ODR4: variants seen among roughly 807,000 people sequenced by gnomAD.
The protein encoded by ODR4 is protein odr-4 homolog.
A neutral mutation model predicts 60.2 loss-of-function variants in ODR4; 47 were observed. The ratio of observed to expected loss-of-function variants is 0.78; its 90% CI spans 0.62 to 1.00. The LOEUF is 1.00. Among genes scored for constraint, ODR4 ranks in the 50% least tolerant of loss-of-function variants. The pLI, the probability that ODR4 is intolerant of heterozygous loss-of-function variation, is 0.00. For missense variants in ODR4, 488 were observed against 530.8 expected, an observed-to-expected ratio of 0.92 and a Z score of 0.79; for synonymous variants, 178 against 175.5, an observed-to-expected ratio of 1.01 and a Z score of -0.11.
At chr1:186,377,086 T>G (rs528677271) in intron 1 of ODR4, among the ~76,000 whole-genome samples, 4 of 152,344 alleles carry the variant, frequency 2.6e-5, no homozygotes, top group Admixed American at 2.6e-4. Context: ...TCCAGTTCCT[T>G]ATATTAAATG....
At chr1:186,393,908 G>C (rs779203227) in intron 8 of ODR4, 39 bp from the exon 9 acceptor site, 7 of 1,074,996 alleles carry the variant, frequency 6.5e-6, no homozygotes, top group South Asian at 2.8e-5. Context: ...TGTTTTACAG[G>C]CTTCACAGTT....
At chr1:186,382,052 A>C (rs929676561) in intron 2 of ODR4, among the ~76,000 whole-genome samples, 5 of 152,126 alleles carry the variant, frequency 3.3e-5, no homozygotes, top group African/African-American at 9.6e-5. Flanking sequence ...GAGCTATTGA[A>C]TGTTCCCCTA....
chr1:186,418,996 G>A lies in ODR4; in HGVS notation c.1298-13G>A. 1 of 1,597,446 alleles carries A rather than the reference G, an allele frequency of 6.3e-7. No homozygotes were observed. The highest frequency in any genetic ancestry group is 1.1e-5 in the South Asian group (1 of 88,398). ...TTCCATTTTCATTTGTTCTGTGTTTGTTTTACTTTTAGGTGTGATTGCAGC... is the reference window on the plus strand; with the variant it reads ...TTCCATTTTCATTTGTTCTGTGTTTATTTTACTTTTAGGTGTGATTGCAGC... On this transcript the variant is annotated splice_polypyrimidine_tract_variant and intron_variant, in intron 13 of 13. Coordinates refer to ENST00000287859, the MANE Select transcript of ODR4 (RefSeq NM_017847.6).
rs767568274 is a variant in ODR4 at position 186,397,315 on chromosome 1, G to C, written c.781-998G>C. 8.0e-4 allele frequency among the ~76,000 whole-genome samples: 122 copies of C among 152,070 alleles called. 1 individual carries two copies. Among genetic ancestry groups the C allele is most frequent in the Non-Finnish European group, 2.5e-4 (17 of 68,006 alleles). ...TCACAAGTTGTATGATTTGACTTTTGTTCTTCAGAATTGATTTGGTTGTTG... is the reference window on the plus strand; with the variant it reads ...TCACAAGTTGTATGATTTGACTTTTCTTCTTCAGAATTGATTTGGTTGTTG... On this transcript the variant is annotated intron_variant, in intron 9 of 13. Coordinates refer to ENST00000287859, the MANE Select transcript of ODR4 (RefSeq NM_017847.6).
At position 186,381,418 on chromosome 1, in the gene ODR4, C is replaced by G. The variant is rs966544484; in HGVS notation, c.99+1534C>G. 9.9e-5 allele frequency among the ~76,000 whole-genome samples: 15 copies of G among 152,120 alleles called. No individual in the cohort carries two copies. In the East Asian group the frequency reaches 1.9e-3, roughly 20 times the overall value. On this transcript the variant is annotated intron_variant, in intron 2 of 13. Coordinates refer to ENST00000287859, the MANE Select transcript of ODR4 (RefSeq NM_017847.6). Reference sequence around the variant, plus strand: ...CTCGGCTCACTGCAGGCTCCGCCCCCTGGGGTTCACGCCATTCTCCTGCCT... The same window carrying G: ...CTCGGCTCACTGCAGGCTCCGCCCCGTGGGGTTCACGCCATTCTCCTGCCT...
intron 12 of ODR4, among the ~76,000 whole-genome samples, chr1:186,415,168 AAAG>A (rs763870793): frequency 1.3e-5 from 2 of 152,146 alleles, no homozygotes; most frequent in Non-Finnish European, 2.9e-5. Context: ...GAAAAAGAAA[AAAG>A]AATAGTGGTG....
intron 11 of ODR4, among the ~76,000 whole-genome samples, chr1:186,404,041 A>G (rs895028037): frequency 2.0e-5 from 3 of 152,234 alleles, no homozygotes; most frequent in African/African-American, 7.2e-5. Flanking sequence ...TTCTATGAAA[A>G]ATACATAAAT....
At chr1:186,388,681 A>G (rs916392379) in intron 5 of ODR4, 133 bp downstream of exon 5, 35 of 554,730 alleles carry the variant, frequency 6.3e-5, no homozygotes, top group Non-Finnish European at 9.5e-5. Flanking sequence ...TGTAAATAAC[A>G]TGGAATTAGA....
chr1:186,388,352 G>A (rs1384165358), intron 4 of ODR4, 90 bp from the exon 5 acceptor site: 7 of 651,890 alleles, frequency 1.1e-5, no homozygotes, highest in Non-Finnish European at 1.5e-5. Context: ...AAAGCTAAAT[G>A]AGAGTTGGGG....
In ODR4 at chr1:186,375,993, AGTGTGTGTGTGTGTGTGTGT is replaced by A. The variant is rs113247382; in HGVS notation, c.-20+29_-20+48del. The A allele has an allele frequency of 1.3e-5, 2 of 158,432 alleles. No individual in the cohort carries two copies. The highest frequency in any genetic ancestry group is 4.9e-5 in the African/African-American group (2 of 40,594). The allele number at this position is 158,432 out of a possible 1,614,324, so 9.8% of individuals were successfully genotyped here. A position where few individuals can be genotyped will look rare whatever the true frequency, so the allele number is the denominator to read the frequency against. Reference sequence around the variant, plus strand: ...AAAACAGGTAAGTCAGCCTAAGTGTAGTGTGTGTGTGTGTGTGTGTGTGTGTGTGCTCTCTTTTCAAGAGA... The same window carrying A: ...AAAACAGGTAAGTCAGCCTAAGTGTAGTGTGTGTGCTCTCTTTTCAAGAGA... On this transcript the variant is annotated intron_variant, in intron 1 of 13. Transcript: ENST00000287859.
intron 11 of ODR4, among the ~76,000 whole-genome samples, chr1:186,399,836 T>TG (rs1244518661): frequency 1.3e-5 from 2 of 152,064 alleles, no homozygotes; most frequent in African/African-American, 2.4e-5. Flanking sequence ...TTACAGTATC[T>TG]TACCCATTAA....
intron 12 of ODR4, chr1:186,411,812 C>T: frequency 1.1e-6 from 1 of 937,536 alleles, no homozygotes; most frequent in East Asian, 1.2e-4. Context: ...TGCTGACAGT[C>T]TAGTATAGAG....
intron 13 of ODR4, among the ~76,000 whole-genome samples, chr1:186,418,504 C>G (rs771066163): frequency 3.2e-4 from 49 of 151,958 alleles, no homozygotes; most frequent in Non-Finnish European, 6.2e-4. Context: ...CTTTAGCTTA[C>G]TATAATCAGG....
At chr1:186,411,126 T>C (rs2102082649) in intron 12 of ODR4, among the ~76,000 whole-genome samples, 1 of 152,286 alleles carries the variant, frequency 6.6e-6, no homozygotes, top group Non-Finnish European at 1.5e-5. Context: ...AATTTGAACC[T>C]TTTTGAGCAC....
At chr1:186,381,764 G>T (rs1660042242) in intron 2 of ODR4, among the ~76,000 whole-genome samples, 1 of 152,080 alleles carries the variant, frequency 6.6e-6, no homozygotes, top group Non-Finnish European at 1.5e-5. Flanking sequence ...AAGCTTGCCT[G>T]TTTCCTGGTC....
intron 11 of ODR4, chr1:186,399,343 C>CT (rs1660826873): frequency 8.0e-6 from 3 of 376,506 alleles, no homozygotes; most frequent in Non-Finnish European, 1.5e-5. Context: ...GTAGGTGGGC[C>CT]TGCAGGCACA....
At chr1:186,390,630 G>A in intron 6 of ODR4, 81 bp from the exon 7 acceptor site, 1 of 1,395,388 alleles carries the variant, frequency 7.2e-7, no homozygotes, top group Non-Finnish European at 1.0e-6. Flanking sequence ...TATTTAGGTT[G>A]TATATTTAAT....
At chr1:186,417,752 A>G in intron 13 of ODR4, 98 bp downstream of exon 13, 1 of 702,460 alleles carries the variant, frequency 1.4e-6, no homozygotes, top group Non-Finnish European at 2.5e-6. Flanking sequence ...CTTTCTTAAG[A>G]TTGCTAGACT....
intron 11 of ODR4, chr1:186,401,060 A>T (rs780918305): frequency 6.3e-7 from 1 of 1,596,408 alleles, no homozygotes; most frequent in Non-Finnish European, 8.6e-7. Context: ...GGATGTATCC[A>T]CCATTATTGT....
Sources: gnomAD v4.1 joint callset for allele counts (sites outside exome capture counted in the v4.1 genomes callset) on GRCh38, gnomAD v4.1.1 for gene constraint, MANE v1.5 for transcripts, NCBI Gene and HGNC (gene_info 2026-07-23, HGNC 2026-07-21) for gene names.